The following CFAP251 variants were observed in gnomAD, a reference collection of about 807,000 sequenced individuals.
CFAP251 encodes cilia and flagella associated protein 251.
CFAP251 carries 93 observed loss-of-function variants against 126.7 expected under a neutral mutation model. The ratio of observed to expected loss-of-function variants is 0.73; its 90% confidence interval spans 0.62 to 0.87. The LOEUF (loss-of-function observed/expected upper bound fraction) is 0.87. CFAP251 is among the 40% of genes least tolerant of loss of function. The pLI is 0.00. For missense variants in CFAP251, 1,287 were observed against 1,389.2 expected (o/e 0.93, Z 1.17); for synonymous variants, 503 against 506.9 (o/e 0.99, Z 0.10).
intron 15 of CFAP251, among the ~76,000 whole-genome samples, chr12:121,966,587 CT>C (rs555396249): frequency 2.3e-3 from 279 of 123,452 alleles, no homozygotes; most frequent in Admixed American, 5.2e-3. Context: ...ACCAAAGAGT[CT>C]TTTTTTTTTT....
chr12:121,976,354 G>A (rs892042898), intron 19 of CFAP251, among the ~76,000 whole-genome samples: 1 of 152,066 alleles, frequency 6.6e-6, no homozygotes, highest in African/African-American at 2.4e-5. Flanking sequence ...CGCAGCCCTG[G>A]GCACGGTGCT....
intron 5 of CFAP251, among the ~76,000 whole-genome samples, chr12:121,936,513 G>T (rs1880900381): frequency 6.6e-6 from 1 of 151,280 alleles, no homozygotes; most frequent in African/African-American, 2.5e-5. Flanking sequence ...ACCACAGATA[G>T]TTTGCAAAGT....
chr12:121,988,132 T>C (rs1404645991), intron 19 of CFAP251, among the ~76,000 whole-genome samples: 1 of 151,952 alleles, frequency 6.6e-6, no homozygotes, highest in East Asian at 1.9e-4. Context: ...TTTAAAAATA[T>C]TTCAAAAATA....
intron 14 of CFAP251, 51 bp downstream of exon 14, chr12:121,960,809 T>C (rs1282852663): frequency 6.9e-6 from 11 of 1,590,374 alleles, no homozygotes; most frequent in Non-Finnish European, 8.6e-6. Context: ...TGTCTCACTC[T>C]TGTGACATCC....
At chr12:122,000,349 C>G (rs777885686) in intron 20 of CFAP251, among the ~76,000 whole-genome samples, 14 of 151,800 alleles carry the variant, frequency 9.2e-5, no homozygotes, top group Admixed American at 2.0e-4. Context: ...GTCAGAAGTT[C>G]AAGACCAGCC....
intron 15 of CFAP251, among the ~76,000 whole-genome samples, chr12:121,965,188 C>T (rs1028959889): frequency 6.6e-6 from 1 of 152,122 alleles, no homozygotes; most frequent in Non-Finnish European, 1.5e-5. Flanking sequence ...GGCCAATAAA[C>T]CTATGAGCAG....
intron 19 of CFAP251, among the ~76,000 whole-genome samples, chr12:121,979,933 C>T (rs966315702): frequency 1.9e-4 from 29 of 152,172 alleles, no homozygotes; most frequent in African/African-American, 7.0e-4. Flanking sequence ...CACAGAATTC[C>T]AGGTCCAGAG....
rs1369848446 is a variant in CFAP251 at position 122,000,570 on chromosome 12, AAAAG to A, written c.3235+630_3235+633del. 3.3e-4 allele frequency among the ~76,000 whole-genome samples: 50 copies of A among 150,434 alleles called. 1 individual carries two copies. In the East Asian group the frequency reaches 9.6e-3, roughly 29 times the overall value. On this transcript the variant is annotated intron_variant, in intron 20 of 21. Transcript: ENST00000288912. ...GTCAAAAAAAAAAAAAAGAAAGAAAAAAAGAAAAGAAAAGAAAACAAATATTTGG... is the reference window on the plus strand; with the variant it reads ...GTCAAAAAAAAAAAAAAGAAAGAAAAAAAAGAAAAGAAAACAAATATTTGG...
At chr12:121,961,712 C>T (rs1171039816) in intron 14 of CFAP251, among the ~76,000 whole-genome samples, 1 of 152,232 alleles carries the variant, frequency 6.6e-6, no homozygotes, top group Non-Finnish European at 1.5e-5. Flanking sequence ...AACAGTACCC[C>T]TTTGCAGGGA....
Position 121,923,801 on chromosome 12 carries a change from C to T in CFAP251, c.558C>T (p.Thr186=), listed in dbSNP as rs375756651. 5.5e-5 allele frequency: 88 copies of T among 1,613,884 alleles called. No individual in the cohort carries two copies. Among genetic ancestry groups the T allele is most frequent in the Non-Finnish European group, 6.7e-5 (79 of 1,180,020 alleles). The part of the protein sequence containing the change: ...RQPSGELEEK[T]DRMPQDELGQ... Reference sequence around the variant, plus strand: ...CCTCAGGAGAGCTTGAGGAGAAAACCGACCGGATGCCCCAAGATGAACTGG... The same window carrying T: ...CCTCAGGAGAGCTTGAGGAGAAAACTGACCGGATGCCCCAAGATGAACTGG... The change falls in exon 3 of 22, where the codon ACC becomes ACT. Residue 186 remains threonine (T), a synonymous_variant. Coordinates refer to ENST00000288912, the MANE Select transcript of CFAP251 (RefSeq NM_144668.6).
chr12:121,961,376 C>A (rs1316940315), intron 14 of CFAP251, among the ~76,000 whole-genome samples: 2 of 139,396 alleles, frequency 1.4e-5, no homozygotes, highest in Non-Finnish European at 3.1e-5. Flanking sequence ...ATCCATTCAT[C>A]CATCTGTCCA....
chr12:121,927,579 G>A (rs187106282), intron 3 of CFAP251, among the ~76,000 whole-genome samples: 3 of 152,322 alleles, frequency 2.0e-5, no homozygotes, highest in Non-Finnish European at 2.9e-5. Context: ...TTTCAGGCAT[G>A]AGCCACCGTG....
Position 121,989,360 on chromosome 12 carries a change from T to C in CFAP251, c.3007-10356T>C, listed in dbSNP as rs1425904258. ...CAAGAGCACCAGGCCAGGCCTTGGC[T>C]GCTGTCACCTGAGACTGCGTCCAGA... On this transcript the variant is annotated intron_variant, in intron 19 of 21. Coordinates refer to ENST00000288912, the MANE Select transcript of CFAP251 (RefSeq NM_144668.6). This position sits in a 1 kb window ranked among gnomAD's most constrained non-coding sequence, Gnocchi z 4.2. Among the ~76,000 whole-genome samples the C allele has an allele frequency of 6.6e-6, 1 of 152,246 alleles. No individual in the cohort carries two copies. Among genetic ancestry groups the C allele is most frequent in the East Asian group, 1.9e-4 (1 of 5,198 alleles).
chr12:121,928,648 A>ACG (rs59246726), intron 3 of CFAP251, among the ~76,000 whole-genome samples: 738 of 48,574 alleles, frequency 0.015, 28 homozygotes, highest in Middle Eastern at 0.036. Flanking sequence ...GTATATATAT[A>ACG]TATATATACG....
intron 3 of CFAP251, among the ~76,000 whole-genome samples, chr12:121,928,525 T>C (rs1162644723): frequency 6.6e-6 from 1 of 151,234 alleles, no homozygotes; most frequent in African/African-American, 2.4e-5. Flanking sequence ...ATTTTGTTTC[T>C]ATATGCCAAT....
intron 17 of CFAP251, among the ~76,000 whole-genome samples, chr12:121,972,581 C>T (rs1488463092): frequency 2.6e-5 from 4 of 151,926 alleles, no homozygotes; most frequent in Non-Finnish European, 2.9e-5. Context: ...CTCCACCTCC[C>T]GGGTTCAAGT....
intron 19 of CFAP251, among the ~76,000 whole-genome samples, chr12:121,984,179 A>G (rs1025178046): frequency 5.3e-5 from 8 of 152,226 alleles, no homozygotes; most frequent in African/African-American, 1.9e-4. Context: ...GCCAAATTAC[A>G]CAAGAATATA....
At chr12:121,940,657 A>T (rs1050757940) in intron 5 of CFAP251, among the ~76,000 whole-genome samples, 1 of 152,230 alleles carries the variant, frequency 6.6e-6, no homozygotes, top group South Asian at 2.1e-4. Flanking sequence ...TACAGCTTCC[A>T]TCTTCGCTTC....
At chr12:121,922,711 G>T (rs1880236175) in intron 2 of CFAP251, among the ~76,000 whole-genome samples, 1 of 152,188 alleles carries the variant, frequency 6.6e-6, no homozygotes. Context: ...GAATGATTTT[G>T]CCATTGTGGG....
Sources: allele counts gnomAD v4.1 joint callset (sites outside exome capture counted in the v4.1 genomes callset), GRCh38; gene constraint gnomAD v4.1.1; non-coding constraint Gnocchi (gnomAD v3.1); transcripts MANE v1.5; gene names NCBI Gene and HGNC (gene_info 2026-07-23, HGNC 2026-07-21).